Variants in DYNC1H1 observed in about 807,000 individuals in gnomAD.
DYNC1H1 encodes the protein dynein cytoplasmic 1 heavy chain 1, also known as cytoplasmic dynein 1 heavy chain 1.
In DYNC1H1, 51 loss-of-function variants were observed where a neutral mutation model predicts 527.1. That is an observed-to-expected ratio of 0.10 (90% CI 0.08 to 0.12). DYNC1H1 has a LOEUF of 0.12. DYNC1H1 is among the 10% of genes least tolerant of loss of function. DYNC1H1 has a pLI of 1.00. For missense variants in DYNC1H1, 2,771 were observed against 5,971.8 expected (o/e 0.46, Z 17.66); for synonymous variants, 2,189 against 2,278.8 (o/e 0.96, Z 1.12).
rs2048775565 is a variant in DYNC1H1 at position 102,049,585 on chromosome 14, G to A, written c.13515+3G>A. The A allele has an allele frequency of 6.2e-7, 1 of 1,614,012 alleles. No individual in the cohort carries two copies. Among genetic ancestry groups the A allele is most frequent in the Non-Finnish European group, 8.5e-7 (1 of 1,180,046 alleles). On this transcript the variant is annotated splice_donor_region_variant and intron_variant, in intron 75 of 77. Coordinates refer to ENST00000360184, the MANE Select transcript of DYNC1H1 (RefSeq NM_001376.5). The surrounding 1 kb of genome is among the most constrained non-coding windows in gnomAD (Gnocchi z 5.5). Reference sequence around the variant, plus strand: ...CTGGTGGCGCCAAGGAGCTAAAGGTGAAGGCGCTCCTGACGAGTCTCGGGT... The same window carrying A: ...CTGGTGGCGCCAAGGAGCTAAAGGTAAAGGCGCTCCTGACGAGTCTCGGGT...
intron 42 of DYNC1H1, among the ~76,000 whole-genome samples, chr14:102,022,173 C>G (rs2048392036): frequency 6.6e-6 from 1 of 151,858 alleles, no homozygotes; most frequent in Admixed American, 6.6e-5. Context: ...GCACTTCAGC[C>G]TGTTGCCAGG....
rs368626054 is a variant in DYNC1H1, at chr14:102,027,910, G to C, written c.9264-27G>C. 6 of 1,614,090 alleles carry C rather than the reference G, an allele frequency of 3.7e-6. No homozygotes were observed. In the South Asian group the frequency reaches 5.5e-5, roughly 15 times the overall value. On this transcript the variant is annotated intron_variant, in intron 47 of 77. Transcript: ENST00000360184. This position sits in a 1 kb window ranked among gnomAD's most constrained non-coding sequence, Gnocchi z 7.7. Reference sequence around the variant, plus strand: ...GGGACAAAGCCTGCCCCTCATAGCTGTCCTGAAACATGGGCCTCTTTCTCA... The same window carrying C: ...GGGACAAAGCCTGCCCCTCATAGCTCTCCTGAAACATGGGCCTCTTTCTCA...
intron 48 of DYNC1H1, chr14:102,028,555 A>G (rs1336399681): frequency 2.1e-5 from 6 of 287,742 alleles, no homozygotes; most frequent in African/African-American, 6.6e-5. Flanking sequence ...CATGTTTGAC[A>G]TTGTACTGTT....
intron 9 of DYNC1H1, 114 bp from the exon 10 acceptor site, chr14:101,988,589 T>G (rs1018051647): frequency 2.5e-5 from 34 of 1,364,032 alleles, no homozygotes; most frequent in Admixed American, 9.1e-5. Flanking sequence ...TATGAAGGCT[T>G]CTAGTCCGGA....
In DYNC1H1 at chr14:101,997,289, G is replaced by C; in HGVS notation, c.3804+15G>C. ...AGCCTGTCACGGTGAGTCCCGCCAG[G>C]TGGGGACGCAGGAGACTCCTCACCC... On this transcript the variant is annotated intron_variant, in intron 16 of 77. Transcript: ENST00000360184. This position sits in a 1 kb window ranked among gnomAD's most constrained non-coding sequence, Gnocchi z 4.8. 4 of 1,614,096 alleles carry C rather than the reference G, an allele frequency of 2.5e-6. No homozygotes were observed. The highest frequency in any genetic ancestry group is 2.5e-6 in the Non-Finnish European group (3 of 1,180,014).
rs2048770195 is a variant in DYNC1H1 at position 102,049,214 on chromosome 14, C to G, written c.13373-226C>G. On this transcript the variant is annotated intron_variant, in intron 74 of 77. Transcript: ENST00000360184. This position sits in a 1 kb window ranked among gnomAD's most constrained non-coding sequence, Gnocchi z 5.5. ...AAAGACACACCTGGACTAATTTGAC[C>G]CTAGAAACTGCACGGTTCTGAGACA... is the stretch of plus-strand genomic sequence containing the variant. The G allele has an allele frequency of 4.9e-6, 3 of 617,258 alleles. No homozygotes were observed. The highest frequency in any genetic ancestry group is 5.7e-5 in the East Asian group (2 of 34,996). 38.2% of individuals were successfully genotyped at this position (617,258 alleles called of 1,614,324 possible).
Position 101,975,803 on chromosome 14 carries a change from A to G in DYNC1H1, c.344+4A>G. The G allele has an allele frequency of 6.3e-7, 1 of 1,593,298 alleles. No homozygotes were observed. Among genetic ancestry groups the G allele is most frequent in the Non-Finnish European group, 8.6e-7 (1 of 1,161,204 alleles). On this transcript the variant is annotated splice_donor_region_variant and intron_variant, in intron 2 of 77. Coordinates refer to ENST00000360184, the MANE Select transcript of DYNC1H1 (RefSeq NM_001376.5). ...ATTATGGGGTTAAATCCAATAGGTG[A>G]GTAGTACAAATATTACCATTATCTC...
In DYNC1H1 at chr14:102,039,402, T is replaced by A; in HGVS notation, c.11461-10T>A. 1 of 1,614,238 alleles carries A rather than the reference T, an allele frequency of 6.2e-7. No homozygotes were observed. Among genetic ancestry groups the A allele is most frequent in the Admixed American group, 1.7e-5 (1 of 60,022 alleles). Reference sequence around the variant, plus strand: ...GAGCTGCCTCACCGCTGCCCACTGCTTCCTTTCAGATACACTTCTTGTACC... The same window carrying A: ...GAGCTGCCTCACCGCTGCCCACTGCATCCTTTCAGATACACTTCTTGTACC... On this transcript the variant is annotated splice_polypyrimidine_tract_variant and intron_variant, in intron 60 of 77. Transcript: ENST00000360184. This position sits in a 1 kb window ranked among gnomAD's most constrained non-coding sequence, Gnocchi z 7.0.
chr14:101,994,387 A>G (rs2048033529), intron 12 of DYNC1H1, 63 bp downstream of exon 12: 1 of 1,610,070 alleles, frequency 6.2e-7, no homozygotes, highest in East Asian at 2.2e-5. Context: ...TAAGAGTACA[A>G]GATATAAAGA....
In DYNC1H1 at chr14:102,002,390, C is replaced by A; in HGVS notation, c.4543-147C>A. ...CCTCCCAAAATGCTGGGATTACAGGCGTGAGCCACCACACCCGTCTACTTG... is the reference window on the plus strand; with the variant it reads ...CCTCCCAAAATGCTGGGATTACAGGAGTGAGCCACCACACCCGTCTACTTG... On this transcript the variant is annotated intron_variant, in intron 21 of 77. Transcript: ENST00000360184. The surrounding 1 kb of genome is among the most constrained non-coding windows in gnomAD (Gnocchi z 4.4). 9.1e-7 allele frequency: 1 copy of A among 1,098,648 alleles called. No individual in the cohort carries two copies. The highest frequency in any genetic ancestry group is 1.3e-6 in the Non-Finnish European group (1 of 742,482). The allele number at this position is 1,098,648 out of a possible 1,614,324, so 68.1% of individuals were successfully genotyped here. A position where few individuals can be genotyped will look rare whatever the true frequency, so the allele number is the denominator to read the frequency against.
intron 69 of DYNC1H1, chr14:102,043,240 C>T: frequency 4.5e-6 from 1 of 223,682 alleles, no homozygotes; most frequent in South Asian, 6.1e-5. Flanking sequence ...GCTGAGATCA[C>T]ATCACTGCAC....
intron 15 of DYNC1H1, 104 bp downstream of exon 15, chr14:101,995,404 G>A (rs990096320): frequency 1.0e-5 from 14 of 1,384,018 alleles, no homozygotes; most frequent in African/African-American, 1.4e-5. Flanking sequence ...GAGGTCAGGA[G>A]ATCGAGACCA....
In DYNC1H1 at chr14:101,970,909, G is replaced by A. The variant is rs568627235; in HGVS notation, c.257-4803G>A. Among the ~76,000 whole-genome samples the A allele has an allele frequency of 2.6e-4, 40 of 152,180 alleles. 1 individual carries two copies. Among genetic ancestry groups the A allele is most frequent in the African/African-American group, 9.1e-4 (38 of 41,546 alleles). On this transcript the variant is annotated intron_variant, in intron 1 of 77. Transcript: ENST00000360184. ...TGGCTTTGAGACCAGGAAGAGACTT[G>A]CTGTATGGCTGGGAGAAAGTTTGGA...
chr14:102,013,220 G>C (rs1456982104), intron 34 of DYNC1H1, among the ~76,000 whole-genome samples: 1 of 131,640 alleles, frequency 7.6e-6, no homozygotes, highest in Non-Finnish European at 1.5e-5. Flanking sequence ...CTGCACTGCA[G>C]CCTGGGCGAC....
chr14:101,976,153 C>G (rs1488294668), intron 2 of DYNC1H1, among the ~76,000 whole-genome samples: 1 of 151,462 alleles, frequency 6.6e-6, no homozygotes, highest in African/African-American at 2.4e-5. Flanking sequence ...GAGATCCACC[C>G]GCCTCAGCCT....
Position 102,049,658 on chromosome 14 carries a change from C to T in DYNC1H1, c.13516-56C>T. On this transcript the variant is annotated intron_variant, in intron 75 of 77. Transcript: ENST00000360184. This position sits in a 1 kb window ranked among gnomAD's most constrained non-coding sequence, Gnocchi z 5.5. ...GGGTGGGAGTGGCTCTGGGGAAAAACACAGGGCCCAGGTCTGACCTGAGCT... is the reference window on the plus strand; with the variant it reads ...GGGTGGGAGTGGCTCTGGGGAAAAATACAGGGCCCAGGTCTGACCTGAGCT... 1 of 1,613,478 alleles carries T rather than the reference C, an allele frequency of 6.2e-7. No individual in the cohort carries two copies. The highest frequency in any genetic ancestry group is 1.1e-5 in the South Asian group (1 of 91,066).
At position 102,012,891 on chromosome 14, in the gene DYNC1H1, A is replaced by G; in HGVS notation, c.7014+421A>G. The G allele has an allele frequency of 3.2e-6, 1 of 308,238 alleles. No individual in the cohort carries two copies. The highest frequency in any genetic ancestry group is 3.0e-5 in the South Asian group (1 of 32,914). The allele number at this position is 308,238 out of a possible 1,614,324, so 19.1% of individuals were successfully genotyped here. On this transcript the variant is annotated intron_variant, in intron 34 of 77. Transcript: ENST00000360184. This position sits in a 1 kb window ranked among gnomAD's most constrained non-coding sequence, Gnocchi z 4.9. ...CACCTACTGATCAGTAAACACAGTCAGGCCCGGTATGGATTTGCACTGAGT... is the reference window on the plus strand; with the variant it reads ...CACCTACTGATCAGTAAACACAGTCGGGCCCGGTATGGATTTGCACTGAGT...
intron 28 of DYNC1H1, among the ~76,000 whole-genome samples, chr14:102,007,848 A>G (rs2048214624): frequency 6.6e-6 from 1 of 152,178 alleles, no homozygotes; most frequent in Non-Finnish European, 1.5e-5. Flanking sequence ...GGAGTCCAAG[A>G]TCAAGGTGCC....
rs995496111 is a variant in DYNC1H1, at chr14:102,015,593, T to C, written c.7242+261T>C. 3.3e-5 allele frequency among the ~76,000 whole-genome samples: 5 copies of C among 152,168 alleles called. No homozygotes were observed. Among genetic ancestry groups the C allele is most frequent in the African/African-American group, 1.2e-4 (5 of 41,430 alleles). Reference sequence around the variant, plus strand: ...TGTTAAAAGTCACGTATGGGAAAATTTAAAGAATTCTTTTCATTATCTTAC... The same window carrying C: ...TGTTAAAAGTCACGTATGGGAAAATCTAAAGAATTCTTTTCATTATCTTAC... On this transcript the variant is annotated intron_variant, in intron 35 of 77. Coordinates refer to ENST00000360184, the MANE Select transcript of DYNC1H1 (RefSeq NM_001376.5). The surrounding 1 kb of genome is among the most constrained non-coding windows in gnomAD (Gnocchi z 6.9).
Sources: allele counts gnomAD v4.1 joint callset (sites outside exome capture counted in the v4.1 genomes callset), GRCh38; gene constraint gnomAD v4.1.1; non-coding constraint Gnocchi (gnomAD v3.1); transcripts MANE v1.5; gene names NCBI Gene and HGNC (gene_info 2026-07-23, HGNC 2026-07-21).